The following NRXN1 variants were observed in gnomAD, a reference collection of about 807,000 sequenced individuals.
NRXN1 encodes the protein neurexin 1.
NRXN1 carries 39 observed loss-of-function variants against 150.9 expected under a neutral mutation model. The observed-to-expected ratio is 0.26, with a 90% CI of 0.20 to 0.34. The LOEUF (loss-of-function observed/expected upper bound fraction) is 0.34. Among genes scored for constraint, NRXN1 ranks in the 10% least tolerant of loss-of-function variants. NRXN1 has a pLI of 1.00. For missense variants in NRXN1, 1,815 were observed against 1,949.9 expected (o/e 0.93, Z 1.30); for synonymous variants, 924 against 757.0 (o/e 1.22, Z -3.62).
rs201152575 is a variant in NRXN1, at chr2:50,552,699, G to A, written c.1647C>T (p.His549=). The change falls in exon 9 of 23, where the codon CAC becomes CAT. Residue 549 remains histidine, a synonymous_variant. Transcript: ENST00000401669. ...DFFAIEMLDG[H]LYLLLDMGSG... ...ACCCCATGTCCAGGAGGAGGTAGAG[G>A]TGGCCATCTAGCATCTCAATAGCAA... The A allele has an allele frequency of 6.2e-7, 1 of 1,613,940 alleles. No homozygotes were observed. The highest frequency in any genetic ancestry group is 2.2e-5 in the East Asian group (1 of 44,876).
chr2:50,489,630 G>A (rs10183541), intron 15 of NRXN1, among the ~76,000 whole-genome samples: 131,557 of 152,042 alleles, frequency 0.87, 57,241 homozygotes, highest in African/African-American at 0.94. Flanking sequence ...CTAAGTTCAC[G>A]TGATTCTAAT....
chr2:50,156,853 A>G (rs2059051626), intron 18 of NRXN1, among the ~76,000 whole-genome samples: 1 of 152,032 alleles, frequency 6.6e-6, no homozygotes, highest in Non-Finnish European at 1.5e-5. Context: ...TGTAAAGCAT[A>G]TATGCGATTC....
At chr2:50,971,474 T>A (rs537860030) in intron 2 of NRXN1, among the ~76,000 whole-genome samples, 18 of 151,928 alleles carry the variant, frequency 1.2e-4, no homozygotes, top group Admixed American at 5.3e-4. Context: ...TCCCAGCTAC[T>A]CAGGAGGCTG....
intron 17 of NRXN1, among the ~76,000 whole-genome samples, chr2:50,291,260 G>T (rs1392011206): frequency 6.6e-6 from 1 of 151,780 alleles, no homozygotes; most frequent in Non-Finnish European, 1.5e-5. Flanking sequence ...TTTCCCAGAT[G>T]CATGCATCTA....
chr2:50,341,339 T>C (rs567516235), intron 17 of NRXN1, among the ~76,000 whole-genome samples: 1 of 152,074 alleles, frequency 6.6e-6, no homozygotes, highest in South Asian at 2.1e-4. Flanking sequence ...TCAGGTCTTC[T>C]GATTTTAAGG....
chr2:50,437,930 G>A (rs1339334541), intron 17 of NRXN1, among the ~76,000 whole-genome samples: 2 of 152,098 alleles, frequency 1.3e-5, no homozygotes, highest in Non-Finnish European at 2.9e-5. Context: ...CAATTAAACA[G>A]CAGAAAAATC....
At chr2:49,963,521 C>T (rs1338356340) in intron 21 of NRXN1, among the ~76,000 whole-genome samples, 1 of 152,162 alleles carries the variant, frequency 6.6e-6, no homozygotes, top group African/African-American at 2.4e-5. Context: ...TATGATACAG[C>T]TATTTCATAT....
chr2:50,399,242 C>T (rs60739964), intron 17 of NRXN1, among the ~76,000 whole-genome samples: 1 of 152,110 alleles, frequency 6.6e-6, no homozygotes, highest in African/African-American at 2.4e-5. Flanking sequence ...CACATGAGGT[C>T]TGGAAGGATA....
At chr2:50,572,849 G>A (rs913032390) in intron 8 of NRXN1, among the ~76,000 whole-genome samples, 1 of 151,992 alleles carries the variant, frequency 6.6e-6, no homozygotes, top group Non-Finnish European at 1.5e-5. Flanking sequence ...CTAGAATGAG[G>A]GTCAAGGTAT....
At chr2:50,746,257 G>GT (rs1426869089) in intron 5 of NRXN1, among the ~76,000 whole-genome samples, 2 of 152,002 alleles carry the variant, frequency 1.3e-5, no homozygotes, top group Admixed American at 6.6e-5. Context: ...GCGTACTACT[G>GT]TATCAATGAA....
chr2:50,979,228 A>C (rs1696390002), intron 2 of NRXN1: 1 of 514,928 alleles, frequency 1.9e-6, no homozygotes, highest in Non-Finnish European at 3.9e-6. Context: ...ATATGAGAAA[A>C]GACTAAGATT....
chr2:50,741,079 C>A (rs1171331743), intron 5 of NRXN1, among the ~76,000 whole-genome samples: 1 of 151,984 alleles, frequency 6.6e-6, no homozygotes, highest in Non-Finnish European at 1.5e-5. Flanking sequence ...ATTGTGTCTC[C>A]CTGCCTGCAT....
At chr2:50,509,959 A>T (rs1403973657) in intron 12 of NRXN1, among the ~76,000 whole-genome samples, 2 of 152,132 alleles carry the variant, frequency 1.3e-5, no homozygotes. Flanking sequence ...TGGAACAAAC[A>T]CCAGAGCGTC....
chr2:50,704,755 C>T (rs933606009), intron 5 of NRXN1, among the ~76,000 whole-genome samples: 1 of 151,468 alleles, frequency 6.6e-6, no homozygotes, highest in African/African-American at 2.4e-5. Flanking sequence ...TTTTCAAAAC[C>T]TAACCTGGCA....
chr2:50,907,560 T>A (rs1227679658), intron 5 of NRXN1, among the ~76,000 whole-genome samples: 1 of 152,000 alleles, frequency 6.6e-6, no homozygotes, highest in Non-Finnish European at 1.5e-5. Context: ...CTGACCTAAC[T>A]ATAGGGTAAG....
chr2:50,932,954 T>C (rs1278055016), intron 2 of NRXN1, among the ~76,000 whole-genome samples: 1 of 152,018 alleles, frequency 6.6e-6, no homozygotes, highest in African/African-American at 2.4e-5. Context: ...ACTTTAATAC[T>C]GCTTAATTTC....
At chr2:49,997,752 A>G (rs1250846556) in intron 21 of NRXN1, among the ~76,000 whole-genome samples, 2 of 152,162 alleles carry the variant, frequency 1.3e-5, no homozygotes, top group African/African-American at 4.8e-5. Context: ...AAGTCTCAAA[A>G]GCATACATGG....
intron 21 of NRXN1, among the ~76,000 whole-genome samples, chr2:49,990,652 A>C (rs1199225309): frequency 6.6e-6 from 1 of 152,126 alleles, no homozygotes; most frequent in African/African-American, 2.4e-5. Context: ...CATATCAGTA[A>C]GTAATTTGGG....
chr2:50,285,651 T>A (rs913886721), intron 17 of NRXN1, among the ~76,000 whole-genome samples: 103 of 152,172 alleles, frequency 6.8e-4, no homozygotes, highest in Admixed American at 2.1e-3. Context: ...GTTGTATAGA[T>A]TGTAAAATGG....
Sources: gnomAD v4.1 joint callset for allele counts (sites outside exome capture counted in the v4.1 genomes callset) on GRCh38, gnomAD v4.1.1 for gene constraint, MANE v1.5 for transcripts, NCBI Gene and HGNC (gene_info 2026-07-23, HGNC 2026-07-21) for gene names.